JMJD1C: variants seen among roughly 807,000 people sequenced by gnomAD.
JMJD1C encodes the protein jumonji domain-containing protein 1C.
JMJD1C carries 31 observed loss-of-function variants against 245.3 expected under a neutral mutation model. That is an observed-to-expected ratio of 0.13 (90% CI 0.09 to 0.17). The LOEUF (loss-of-function observed/expected upper bound fraction) is 0.17. Among genes scored for constraint, JMJD1C ranks in the 10% least tolerant of loss-of-function variants. The pLI is 1.00. For synonymous variants in JMJD1C, 1,057 were observed against 1,017.4 expected (o/e 1.04, Z -0.74); for missense variants, 2,691 against 3,000.2 (o/e 0.90, Z 2.41).
At chr10:63,459,952 T>G (rs1952669386) in intron 1 of JMJD1C, among the ~76,000 whole-genome samples, 1 of 152,202 alleles carries the variant, frequency 6.6e-6, no homozygotes, top group South Asian at 2.1e-4. Context: ...CCTCTCTATG[T>G]CAGCTTTGCC....
chr10:63,465,251 G>C (rs1206336894), intron 1 of JMJD1C: 20 of 484,388 alleles, frequency 4.1e-5, no homozygotes, highest in Non-Finnish European at 6.9e-5. Context: ...CGGGATGGGG[G>C]CCAGGGCAGC....
chr10:63,171,927 T>C (rs1334287630), intron 24 of JMJD1C, among the ~76,000 whole-genome samples: 1 of 152,234 alleles, frequency 6.6e-6, no homozygotes, highest in African/African-American at 2.4e-5. Context: ...TAAACACTTA[T>C]TACTTCCCTT....
At chr10:63,191,667 C>T (rs542033768) in intron 16 of JMJD1C, among the ~76,000 whole-genome samples, 72 of 152,124 alleles carry the variant, frequency 4.7e-4, no homozygotes, top group South Asian at 8.3e-4. Flanking sequence ...AAATGAAAAA[C>T]ACTACAGCAA....
chr10:63,421,868 A>G (rs1369805642), intron 1 of JMJD1C, among the ~76,000 whole-genome samples: 1 of 152,218 alleles, frequency 6.6e-6, no homozygotes, highest in Non-Finnish European at 1.5e-5. Flanking sequence ...AGCCCACACT[A>G]GAAACCAACC....
chr10:63,168,698 A>G, intron 24 of JMJD1C, 132 bp from the exon 25 acceptor site: 1 of 742,612 alleles, frequency 1.3e-6, no homozygotes, highest in Non-Finnish European at 2.0e-6. Flanking sequence ...CATCAAATGG[A>G]TTTTAAAGCA....
rs993882922 is a variant in JMJD1C at position 63,209,116 on chromosome 10, A to C, written c.2814T>G (p.Ile938Met). 4.3e-6 allele frequency: 7 copies of C among 1,613,912 alleles called. No individual in the cohort carries two copies. The highest frequency in any genetic ancestry group is 5.9e-6 in the Non-Finnish European group (7 of 1,179,904). The change falls in exon 9 of 26, where the codon ATT (isoleucine) becomes ATG (methionine). Residue 938 changes from isoleucine to methionine, a missense_variant. Transcript: ENST00000399262. ...TCAATGGTGGACTGGAATGGGCTGT[A>C]ATTTTAAGAGGCCGATGAGGCTCTG... ...SSAEPHRPLKITAHSSPPLTK... is the reference protein window; with the variant it reads ...SSAEPHRPLKMTAHSSPPLTK...
intron 1 of JMJD1C, among the ~76,000 whole-genome samples, chr10:63,411,952 T>C (rs1405216743): frequency 6.8e-6 from 1 of 146,612 alleles, no homozygotes; most frequent in African/African-American, 2.5e-5. Flanking sequence ...ATCTTGGCCA[T>C]GTTGCCCAGA....
upstream of JMJD1C, chr10:63,466,454 G>C (rs1431620177): frequency 6.6e-6 from 1 of 152,412 alleles, no homozygotes; most frequent in Non-Finnish European, 1.5e-5. Context: ...AGTCACAGCA[G>C]AACCAACCGT....
intron 2 of JMJD1C, among the ~76,000 whole-genome samples, chr10:63,305,459 CCTCTCTCTCTCTCTCT>C (rs371564275): frequency 8.3e-4 from 94 of 113,086 alleles, no homozygotes; most frequent in African/African-American, 2.9e-3. Context: ...ACGCTCTGAC[CCTCTCTCTCTCTCTCT>C]CTCTCTCTCT....
At chr10:63,245,133 C>CAAA (rs71025133) in intron 3 of JMJD1C, among the ~76,000 whole-genome samples, 16 of 65,682 alleles carry the variant, frequency 2.4e-4, no homozygotes, top group Admixed American at 7.0e-4. Flanking sequence ...GACTCTGTCT[C>CAAA]AAAAAAAAAA....
At chr10:63,295,968 T>TAAAC (rs1244393921) in intron 2 of JMJD1C, among the ~76,000 whole-genome samples, 1 of 14,226 alleles carries the variant, frequency 7.0e-5, no homozygotes, top group Non-Finnish European at 1.6e-4. Flanking sequence ...TATGTGTGTG[T>TAAAC]GTGTGTGTGT....
intron 1 of JMJD1C, among the ~76,000 whole-genome samples, chr10:63,465,039 G>A (rs1222371865): frequency 6.6e-6 from 1 of 152,218 alleles, no homozygotes; most frequent in Admixed American, 6.5e-5. Flanking sequence ...CAACCTTACA[G>A]GATAAGTTTT....
At chr10:63,403,941 A>T (rs978671565) in intron 1 of JMJD1C, among the ~76,000 whole-genome samples, 7 of 151,986 alleles carry the variant, frequency 4.6e-5, no homozygotes, top group Non-Finnish European at 1.0e-4. Flanking sequence ...TGTCTCAAAA[A>T]AAACAACAAC....
intron 1 of JMJD1C, among the ~76,000 whole-genome samples, chr10:63,495,093 C>A (rs1478275779): frequency 1.3e-5 from 2 of 151,858 alleles, no homozygotes; most frequent in Non-Finnish European, 2.9e-5. Context: ...ACAGTGTTAG[C>A]GCATTTTTTT....
At chr10:63,306,586 T>C (rs1200822808) in intron 2 of JMJD1C, among the ~76,000 whole-genome samples, 1 of 152,184 alleles carries the variant, frequency 6.6e-6, no homozygotes, top group Non-Finnish European at 1.5e-5. Flanking sequence ...TTAAAAAGTG[T>C]ATATATACCT....
At chr10:63,365,177 T>C (rs925896281) in intron 2 of JMJD1C, among the ~76,000 whole-genome samples, 1 of 152,198 alleles carries the variant, frequency 6.6e-6, no homozygotes, top group Non-Finnish European at 1.5e-5. Context: ...GCAAGCCTCA[T>C]CCTCCTCTGT....
intron 2 of JMJD1C, among the ~76,000 whole-genome samples, chr10:63,327,493 T>C (rs1242936300): frequency 1.3e-5 from 2 of 152,128 alleles, no homozygotes; most frequent in East Asian, 3.9e-4. Flanking sequence ...TTGGGCTAGA[T>C]ATACACCTTC....
chr10:63,464,824 CAAGAA>C (rs1384039818), intron 1 of JMJD1C, among the ~76,000 whole-genome samples: 1 of 152,006 alleles, frequency 6.6e-6, no homozygotes, highest in African/African-American at 2.4e-5. Context: ...ACCTTTCTAA[CAAGAA>C]AAGCACATTG....
At chr10:63,414,386 G>C (rs1209905555) in intron 1 of JMJD1C, among the ~76,000 whole-genome samples, 1 of 151,892 alleles carries the variant, frequency 6.6e-6, no homozygotes, top group East Asian at 1.9e-4. Context: ...GTATATTTTA[G>C]TCTGTGTATT....
Sources: gnomAD v4.1 joint callset for allele counts (sites outside exome capture counted in the v4.1 genomes callset) on GRCh38, gnomAD v4.1.1 for gene constraint, MANE v1.5 for transcripts, NCBI Gene and HGNC (gene_info 2026-07-23, HGNC 2026-07-21) for gene names.